RERE: variants seen among roughly 807,000 people sequenced by gnomAD.
RERE encodes the protein arginine-glutamic acid dipeptide repeats protein.
RERE carries 40 observed loss-of-function variants against 146.1 expected under a neutral mutation model. That is an observed-to-expected ratio of 0.27 (90% CI 0.21 to 0.36). The LOEUF (loss-of-function observed/expected upper bound fraction) is 0.36. RERE is among the 10% of genes least tolerant of loss of function. The pLI, the probability that RERE is intolerant of heterozygous loss-of-function variation, is 1.00. For missense variants in RERE, 1,933 were observed against 2,138.7 expected, an observed-to-expected ratio of 0.90 and a Z score of 1.90; for synonymous variants, 1,003 against 866.0, an observed-to-expected ratio of 1.16 and a Z score of -2.78.
intron 1 of RERE, chr1:8,750,566 A>G: frequency 1.0e-6 from 1 of 1,001,144 alleles, no homozygotes; most frequent in Non-Finnish European, 1.6e-6. Context: ...AAAGGCAAGG[A>G]AGAAGCTTAT....
chr1:8,658,764 A>AAAAGAAAG (rs532783647), intron 1 of RERE, among the ~76,000 whole-genome samples: 2 of 151,920 alleles, frequency 1.3e-5, no homozygotes, highest in South Asian at 2.1e-4. Flanking sequence ...TCAAAAAAAA[A>AAAAGAAAG]AAAGAAAGAA....
chr1:8,787,289 T>A (rs1191408565), intron 1 of RERE, among the ~76,000 whole-genome samples: 1 of 152,194 alleles, frequency 6.6e-6, no homozygotes, highest in Non-Finnish European at 1.5e-5. Flanking sequence ...TGTCCAAATG[T>A]CACCTCTTCA....
At chr1:8,498,717 A>AAAAT (rs1645081618) in intron 8 of RERE, among the ~76,000 whole-genome samples, 1 of 134,160 alleles carries the variant, frequency 7.5e-6, no homozygotes, top group African/African-American at 2.9e-5. Flanking sequence ...AAATAAAAAA[A>AAAAT]AAAAAATAAA....
At chr1:8,396,448 G>A (rs1374454111) in intron 12 of RERE, among the ~76,000 whole-genome samples, 1 of 152,154 alleles carries the variant, frequency 6.6e-6, no homozygotes, top group Non-Finnish European at 1.5e-5. Flanking sequence ...TCTTACTCTT[G>A]ACTAGAGTGA....
intron 1 of RERE, among the ~76,000 whole-genome samples, chr1:8,737,374 A>G (rs1346101135): frequency 6.6e-6 from 1 of 152,240 alleles, no homozygotes; most frequent in African/African-American, 2.4e-5. Flanking sequence ...TTAAGGCTTA[A>G]TTGCCACGTT....
intron 1 of RERE, among the ~76,000 whole-genome samples, chr1:8,685,282 TG>T: frequency 6.6e-6 from 1 of 152,362 alleles, no homozygotes; most frequent in East Asian, 1.9e-4. Flanking sequence ...ATTTTATATT[TG>T]CTAAATAACG....
chr1:8,519,946 G>A (rs1021968776), intron 7 of RERE, among the ~76,000 whole-genome samples: 1 of 152,134 alleles, frequency 6.6e-6, no homozygotes, highest in Non-Finnish European at 1.5e-5. Context: ...GGGCTCTGCT[G>A]CAAAGCTTAG....
At chr1:8,529,336 C>T (rs1377721848) in intron 7 of RERE, among the ~76,000 whole-genome samples, 1 of 131,864 alleles carries the variant, frequency 7.6e-6, no homozygotes, top group African/African-American at 2.9e-5. Flanking sequence ...GTTGCACAGG[C>T]TGGAGTGCAG....
At chr1:8,809,044 A>G (rs147138280) in intron 1 of RERE, among the ~76,000 whole-genome samples, 3,838 of 151,566 alleles carry the variant, frequency 0.025, 137 homozygotes, top group African/African-American at 0.088. Flanking sequence ...AGGCTGAGGC[A>G]GGAAAATGGT....
At chr1:8,555,667 T>C (rs1645998821) in intron 6 of RERE, among the ~76,000 whole-genome samples, 1 of 152,188 alleles carries the variant, frequency 6.6e-6, no homozygotes, top group South Asian at 2.1e-4. Context: ...GTTTTAAGAA[T>C]ATCAGTAGTC....
chr1:8,399,937 A>T (rs1643192435), intron 12 of RERE, among the ~76,000 whole-genome samples: 6 of 151,950 alleles, frequency 3.9e-5, no homozygotes, highest in Admixed American at 3.9e-4. Flanking sequence ...TATGTCATTC[A>T]GGTGGGACTC....
chr1:8,433,709 C>T (rs568293243), intron 11 of RERE, among the ~76,000 whole-genome samples: 9 of 151,708 alleles, frequency 5.9e-5, no homozygotes, highest in Admixed American at 2.0e-4. Flanking sequence ...TACAGGCGCC[C>T]GCCACCGCGC....
intron 11 of RERE, among the ~76,000 whole-genome samples, chr1:8,443,547 G>C (rs531324940): frequency 6.6e-6 from 1 of 151,070 alleles, no homozygotes; most frequent in Non-Finnish European, 1.5e-5. Flanking sequence ...AGAGATATTT[G>C]TGTAACTAAA....
chr1:8,749,382 C>A (rs1640485112), intron 1 of RERE, among the ~76,000 whole-genome samples: 2 of 150,542 alleles, frequency 1.3e-5, no homozygotes, highest in Admixed American at 6.6e-5. Flanking sequence ...AAGAAAGGCA[C>A]CAAAAAATAC....
rs59337140 is a variant in RERE, at chr1:8,732,808, C to CTTTTTTT, written c.-144-76374_-144-76368dup. On this transcript the variant is annotated intron_variant, in intron 1 of 22. Coordinates refer to ENST00000400908, the MANE Select transcript of RERE (RefSeq NM_001042681.2). ...ACTATCTGCCCAATTTTCAATTTTT[C>CTTTTTTT]TTTTTTTTTTTTTTTTTTTTTTTTT... is the stretch of plus-strand genomic sequence containing the variant. Among the ~76,000 whole-genome samples the CTTTTTTT allele has an allele frequency of 6.9e-3, 453 of 65,738 alleles. 2 individuals are homozygous for CTTTTTTT. Among genetic ancestry groups the CTTTTTTT allele is most frequent in the Non-Finnish European group, 8.8e-3 (324 of 36,642 alleles). The allele number at this position is 65,738 out of a possible 152,430, so 43.1% of individuals were successfully genotyped here. A position where few individuals can be genotyped will look rare whatever the true frequency, so the allele number is the denominator to read the frequency against.
chr1:8,506,401 T>A (rs1645250695), intron 8 of RERE, among the ~76,000 whole-genome samples: 1 of 152,264 alleles, frequency 6.6e-6, no homozygotes, highest in Non-Finnish European at 1.5e-5. Context: ...AGTTTTTGTG[T>A]TCACTTCACT....
chr1:8,752,109 A>G (rs546231365), intron 1 of RERE, among the ~76,000 whole-genome samples: 21 of 152,118 alleles, frequency 1.4e-4, no homozygotes, highest in Non-Finnish European at 2.8e-4. Flanking sequence ...GCAAAAAGAC[A>G]CAGAGGCTAA....
At chr1:8,805,001 G>GTTT (rs1168699583) in intron 1 of RERE, among the ~76,000 whole-genome samples, 1 of 102,728 alleles carries the variant, frequency 9.7e-6, no homozygotes, top group Non-Finnish European at 2.0e-5. Context: ...GTTTTGTTTT[G>GTTT]TTTTTGGTTT....
intron 1 of RERE, among the ~76,000 whole-genome samples, chr1:8,811,210 A>C (rs1343404422): frequency 6.6e-6 from 1 of 152,146 alleles, no homozygotes; most frequent in Non-Finnish European, 1.5e-5. Flanking sequence ...CCACATGCTC[A>C]TCTGCTCACA....
Sources: gnomAD v4.1 joint callset for allele counts (sites outside exome capture counted in the v4.1 genomes callset) on GRCh38, gnomAD v4.1.1 for gene constraint, MANE v1.5 for transcripts, NCBI Gene and HGNC (gene_info 2026-07-23, HGNC 2026-07-21) for gene names.